GUCY1A1: variants seen among roughly 807,000 people sequenced by gnomAD.
GUCY1A1 encodes the protein guanylate cyclase 1 soluble subunit alpha 1.
A neutral mutation model predicts 64.5 loss-of-function variants in GUCY1A1; 48 were observed. That is an observed-to-expected ratio of 0.74 (90% confidence interval 0.59 to 0.95). The LOEUF (loss-of-function observed/expected upper bound fraction) is 0.95, where lower values mean the gene tolerates loss of function less well. GUCY1A1 is among the 40% of genes least tolerant of loss of function. GUCY1A1 has a pLI of 0.00. For missense variants in GUCY1A1, 804 were observed against 825.3 expected (o/e 0.97, Z 0.32); for synonymous variants, 308 against 303.4 (o/e 1.02, Z -0.16).
At chr4:155,696,577 C>T (rs1158469553) in intron 2 of GUCY1A1, among the ~76,000 whole-genome samples, 179 bp from the exon 3 acceptor site, 1 of 152,164 alleles carries the variant, frequency 6.6e-6, no homozygotes, top group Admixed American at 6.5e-5. Flanking sequence ...TTGTGAAATT[C>T]ACACATATTA....
At position 155,697,046 on chromosome 4, in the gene GUCY1A1, C is replaced by A; in HGVS notation, c.179C>A (p.Pro60His). 1 of 1,613,056 alleles carries A rather than the reference C, an allele frequency of 6.2e-7. No individual in the cohort carries two copies. The highest frequency in any genetic ancestry group is 8.5e-7 in the Non-Finnish European group (1 of 1,179,100). ...GAGAAGAACATACAAGAAAGTCTTC[C>A]TCAAAGAAAAACCAGTCGGAGCCGA... Reference protein sequence around the residue: ...IPEKNIQESLPQRKTSRSRVY... With the variant: ...IPEKNIQESLHQRKTSRSRVY... Residue 60 changes from proline (P) to histidine (H), a missense_variant, in exon 3 of 10, where the codon CCT becomes CAT. By Grantham distance (77) the Pro-to-His change is moderately conservative. Transcript: ENST00000506455.
chr4:155,714,829 A>G (rs1264524679), intron 7 of GUCY1A1, among the ~76,000 whole-genome samples: 1 of 152,222 alleles, frequency 6.6e-6, no homozygotes, highest in Admixed American at 6.5e-5. Flanking sequence ...TACTTACAGA[A>G]AAAATAATTG....
At chr4:155,725,367 T>C (rs1734518271) in intron 9 of GUCY1A1, among the ~76,000 whole-genome samples, 1 of 151,976 alleles carries the variant, frequency 6.6e-6, no homozygotes, top group Non-Finnish European at 1.5e-5. Flanking sequence ...TCCTACTGGG[T>C]ATAATAGGTA....
intron 4 of GUCY1A1, 51 bp downstream of exon 4, chr4:155,704,044 C>G (rs1228569421): frequency 9.6e-7 from 1 of 1,044,016 alleles, no homozygotes; most frequent in Non-Finnish European, 1.5e-6. Flanking sequence ...ATGACTAATA[C>G]TGCTACTAAT....
intron 2 of GUCY1A1, among the ~76,000 whole-genome samples, chr4:155,684,481 G>A (rs1380224292): frequency 6.6e-6 from 1 of 152,124 alleles, no homozygotes; most frequent in East Asian, 1.9e-4. Context: ...TTAAGAATCA[G>A]AAAGAGCTTT....
Position 155,734,658 on chromosome 4 carries a change from C to G in GUCY1A1, c.*4427C>G, listed in dbSNP as rs1433999107. 1 of 151,898 alleles carries G rather than the reference C, an allele frequency of 6.6e-6. No homozygotes were observed. The highest frequency in any genetic ancestry group is 6.6e-5 in the Admixed American group (1 of 15,228). 9.4% of individuals were successfully genotyped at this position (151,898 alleles called of 1,614,324 possible). On this transcript the variant is annotated 3_prime_UTR_variant, in exon 10 of 10. Coordinates refer to ENST00000506455, the MANE Select transcript of GUCY1A1 (RefSeq NM_001130682.3). ...TATGAGAGGTGGGAGGGCAGAGACG[C>G]CTTGCGATTCCTGTGAGGAGGGACT...
chr4:155,705,662 G>A (rs72685800), intron 4 of GUCY1A1, among the ~76,000 whole-genome samples: 4,226 of 152,190 alleles, frequency 0.028, 84 homozygotes, highest in Non-Finnish European at 0.042. Context: ...GAACATTGGA[G>A]TTTTACAAAC....
Position 155,711,150 on chromosome 4 carries a change from C to G in GUCY1A1, c.985C>G (p.Pro329Ala). 6.2e-7 allele frequency: 1 copy of G among 1,613,692 alleles called. No individual in the cohort carries two copies. The highest frequency in any genetic ancestry group is 8.5e-7 in the Non-Finnish European group (1 of 1,179,606). ...TGAAGAATACTTTGAAATTCTGACT[C>G]CAAAAATCAACCAGACGTTTAGCGG... The part of the protein sequence containing the change: ...NFEEYFEILT[P>A]KINQTFSGIM... Residue 329 changes from proline to alanine, a missense_variant, in exon 6 of 10, where the codon CCA (proline) becomes GCA (alanine). By Grantham distance (27) the Pro-to-Ala change is conservative. Transcript: ENST00000506455.
intron 9 of GUCY1A1, among the ~76,000 whole-genome samples, chr4:155,729,181 A>G (rs1188498936): frequency 1.3e-5 from 2 of 151,796 alleles, no homozygotes; most frequent in Non-Finnish European, 2.9e-5. Context: ...TTGGGTAAAT[A>G]TAATAAATGC....
At position 155,709,866 on chromosome 4, in the gene GUCY1A1, T is replaced by C. The variant is rs112564065; in HGVS notation, c.377-676T>C. Among the ~76,000 whole-genome samples the C allele has an allele frequency of 7.4e-3, 1,127 of 152,142 alleles. 13 individuals are homozygous for C. Among genetic ancestry groups the C allele is most frequent in the African/African-American group, 0.023 (945 of 41,510 alleles). On this transcript the variant is annotated intron_variant, in intron 5 of 9. Coordinates refer to ENST00000506455, the MANE Select transcript of GUCY1A1 (RefSeq NM_001130682.3). ...AAAAAAAAATTGCCTCCTTAAAAAC[T>C]TCATGTAACTCATGGCTTTTATGAT... is the stretch of plus-strand genomic sequence containing the variant.
At chr4:155,676,378 A>G (rs1734948634) in intron 2 of GUCY1A1, among the ~76,000 whole-genome samples, 1 of 148,674 alleles carries the variant, frequency 6.7e-6, no homozygotes, top group Non-Finnish European at 1.5e-5. Context: ...ACATTTTTCC[A>G]CATCGGCATG....
chr4:155,699,851 A>G (rs983044043), intron 3 of GUCY1A1, among the ~76,000 whole-genome samples: 1 of 152,192 alleles, frequency 6.6e-6, no homozygotes, highest in Non-Finnish European at 1.5e-5. Context: ...TTATATTTTT[A>G]TTAGTGAACA....
chr4:155,690,443 G>A (rs1216792322), intron 2 of GUCY1A1, among the ~76,000 whole-genome samples: 1 of 152,062 alleles, frequency 6.6e-6, no homozygotes, highest in East Asian at 1.9e-4. Context: ...TAAAAATGCA[G>A]TCTAATTCAC....
Position 155,679,631 on chromosome 4 carries a change from A to G in GUCY1A1, c.-113+12212A>G, listed in dbSNP as rs935309325. 3.3e-5 allele frequency among the ~76,000 whole-genome samples: 5 copies of G among 152,346 alleles called. No homozygotes were observed. The South Asian group carries it at 8.3e-4, about 25-fold the overall frequency. The stretch of plus-strand genomic sequence containing the variant: ...CAAGTCATTCATGAGGGATCTGCCC[A>G]ATGACTCAAACATCTCCCATTTCAC... On this transcript the variant is annotated intron_variant, in intron 2 of 9. Coordinates refer to ENST00000506455, the MANE Select transcript of GUCY1A1 (RefSeq NM_001130682.3).
intron 2 of GUCY1A1, among the ~76,000 whole-genome samples, chr4:155,692,522 G>A (rs1349887714): frequency 6.6e-6 from 1 of 152,096 alleles, no homozygotes; most frequent in Non-Finnish European, 1.5e-5. Flanking sequence ...ATCTCATTGT[G>A]GTTTTTGATT....
chr4:155,681,079 A>G (rs1440922783), intron 2 of GUCY1A1, among the ~76,000 whole-genome samples: 1 of 152,174 alleles, frequency 6.6e-6, no homozygotes, highest in African/African-American at 2.4e-5. Flanking sequence ...TGGTGAGAGC[A>G]GGCATCTTTG....
rs538200850 is a variant in GUCY1A1, at chr4:155,675,552, G to A, written c.-113+8133G>A. 1.4e-4 allele frequency among the ~76,000 whole-genome samples: 21 copies of A among 151,672 alleles called. 1 individual carries two copies. The highest frequency in any genetic ancestry group is 5.1e-4 in the African/African-American group (21 of 40,966). Reference sequence around the variant, plus strand: ...TTTCTTTTAATGTTTTAAAATATTTGTAGTCACTAATTGTAAGTCATATTC... The same window carrying A: ...TTTCTTTTAATGTTTTAAAATATTTATAGTCACTAATTGTAAGTCATATTC... On this transcript the variant is annotated intron_variant, in intron 2 of 9. Coordinates refer to ENST00000506455, the MANE Select transcript of GUCY1A1 (RefSeq NM_001130682.3).
At chr4:155,706,085 A>T (rs1285422389) in intron 4 of GUCY1A1, among the ~76,000 whole-genome samples, 2 of 152,254 alleles carry the variant, frequency 1.3e-5, no homozygotes, top group African/African-American at 4.8e-5. Flanking sequence ...ATGTGTTTCC[A>T]GCAGTGTGCC....
intron 6 of GUCY1A1, among the ~76,000 whole-genome samples, chr4:155,711,983 T>A (rs944310527): frequency 2.6e-5 from 4 of 152,208 alleles, no homozygotes; most frequent in Non-Finnish European, 4.4e-5. Context: ...ACTAATTATA[T>A]ACATTTTTTG....
Sources: gnomAD v4.1 joint callset for allele counts (sites outside exome capture counted in the v4.1 genomes callset) on GRCh38, gnomAD v4.1.1 for gene constraint, MANE v1.5 for transcripts, NCBI Gene and HGNC (gene_info 2026-07-23, HGNC 2026-07-21) for gene names.